Variants in RNF6 observed in about 807,000 individuals in gnomAD.
RNF6 encodes the protein E3 ubiquitin-protein ligase RNF6.
In RNF6, 21 loss-of-function variants were observed where a neutral mutation model predicts 50.1. The ratio of observed to expected loss-of-function variants is 0.42; its 90% CI spans 0.30 to 0.60. The LOEUF is 0.60. RNF6 is among the 20% of genes least tolerant of loss of function. RNF6 has a pLI of 0.20. For synonymous variants in RNF6, 255 were observed against 291.8 expected (o/e 0.87, Z 1.29); for missense variants, 698 against 838.2 (o/e 0.83, Z 2.07).
rs1868732075 is a variant in RNF6, at chr13:26,197,832, T to C, written n.768+17642A>G. ...TAAGGTCAGGAGACTGAGACCATCC[T>C]GGCTAACATGGTGAAACCCCGTCTG... On this transcript the variant is annotated intron_variant and non_coding_transcript_variant, in intron 5 of 5. Coordinates refer to the RNF6 transcript ENST00000468480. Among the ~76,000 whole-genome samples the C allele has an allele frequency of 6.6e-5, 10 of 151,872 alleles. No homozygotes were observed. The South Asian group carries it at 2.1e-3, about 31-fold the overall frequency.
chr13:26,192,740 G>C (rs1868512307), intron 5 of RNF6, among the ~76,000 whole-genome samples: 1 of 152,144 alleles, frequency 6.6e-6, no homozygotes, highest in African/African-American at 2.4e-5. Context: ...CAGCCCTCAA[G>C]GAGCTGAATC....
intron 5 of RNF6, among the ~76,000 whole-genome samples, chr13:26,136,096 G>A (rs947661173): frequency 1.3e-5 from 2 of 152,136 alleles, no homozygotes; most frequent in Non-Finnish European, 2.9e-5. Context: ...GACTAATACA[G>A]TGACCTACAT....
chr13:26,178,348 T>C (rs746900050), intron 5 of RNF6, among the ~76,000 whole-genome samples: 4 of 152,098 alleles, frequency 2.6e-5, no homozygotes, highest in African/African-American at 4.8e-5. Context: ...TCTCACTGTG[T>C]CCTCATGTGG....
At chr13:26,159,157 T>C (rs1255722985) in intron 5 of RNF6, among the ~76,000 whole-genome samples, 3 of 152,176 alleles carry the variant, frequency 2.0e-5, no homozygotes, top group Non-Finnish European at 2.9e-5. Flanking sequence ...TAATATTTAG[T>C]GTAAACATTG....
At chr13:26,194,540 A>G (rs1337193027) in intron 5 of RNF6, among the ~76,000 whole-genome samples, 2 of 152,216 alleles carry the variant, frequency 1.3e-5, no homozygotes, top group Non-Finnish European at 2.9e-5. Flanking sequence ...TACCCAGTTC[A>G]TCATGTCCAG....
At chr13:26,136,911 T>C (rs1030419721) in intron 5 of RNF6, among the ~76,000 whole-genome samples, 6 of 152,192 alleles carry the variant, frequency 3.9e-5, no homozygotes, top group African/African-American at 1.4e-4. Context: ...AGGGAGCTTT[T>C]ATTCAAGAAA....
In RNF6 at chr13:26,136,061, G is replaced by A. The variant is rs147890066; in HGVS notation, n.769-3610C>T. Among the ~76,000 whole-genome samples the A allele has an allele frequency of 1.3e-3, 197 of 152,194 alleles. No individual in the cohort carries two copies. The Middle Eastern group carries it at 0.014, about 11-fold the overall frequency. On this transcript the variant is annotated intron_variant and non_coding_transcript_variant, in intron 5 of 5. Coordinates refer to the RNF6 transcript ENST00000468480. The stretch of plus-strand genomic sequence containing the variant: ...TTCTTTATAAATTACCTAGCCTCAG[G>A]TATTTCTTTACAGCAATGCAAACAG...
At chr13:26,183,884 GTTT>G (rs67656503) in intron 5 of RNF6, among the ~76,000 whole-genome samples, 1 of 86,006 alleles carries the variant, frequency 1.2e-5, no homozygotes, top group Non-Finnish European at 2.2e-5. Context: ...TAAAATATAG[GTTT>G]TTTTATACTT....
chr13:26,214,362 T>A lies in RNF6; in HGVS notation c.1520A>T (p.Gln507Leu). The change falls in exon 5 of 5, where the codon CAA (glutamine) becomes CTA (leucine). Residue 507 changes from glutamine (Q) to leucine (L), a missense_variant. Physicochemically the swap from Gln to Leu is moderately radical, Grantham distance 113 (BLOSUM62 -2). Transcript: ENST00000381588. ...LMEADSESEL[Q>L]RNGQHLPDMH... Reference sequence around the variant, plus strand: ...GTCTGGTAAATGCTGGCCATTTCTTTGAAGTTCTGACTCAGAATCGGCCTC... The same window carrying A: ...GTCTGGTAAATGCTGGCCATTTCTTAGAAGTTCTGACTCAGAATCGGCCTC... 1 of 1,614,162 alleles carries A rather than the reference T, an allele frequency of 6.2e-7. No homozygotes were observed.
At chr13:26,159,312 A>T (rs1211304219) in intron 5 of RNF6, among the ~76,000 whole-genome samples, 4 of 152,160 alleles carry the variant, frequency 2.6e-5, no homozygotes, top group South Asian at 4.1e-4. Flanking sequence ...TTGGTATATC[A>T]GTATTTTTAG....
chr13:26,176,744 G>T (rs559039503), intron 5 of RNF6, among the ~76,000 whole-genome samples: 1 of 152,284 alleles, frequency 6.6e-6, no homozygotes, highest in South Asian at 2.1e-4. Flanking sequence ...ACCAGCCTGA[G>T]CAGGATGGTG....
intron 5 of RNF6, among the ~76,000 whole-genome samples, chr13:26,138,968 C>A (rs1042994007): frequency 5.3e-5 from 8 of 152,150 alleles, no homozygotes; most frequent in Non-Finnish European, 1.5e-5. Context: ...TTTGTAAGCG[C>A]CTTGATTATT....
chr13:26,149,602 G>A (rs954697576), intron 5 of RNF6, among the ~76,000 whole-genome samples: 3 of 151,012 alleles, frequency 2.0e-5, no homozygotes, highest in East Asian at 3.9e-4. Flanking sequence ...AAAAAAGAAA[G>A]AAAAAAAGAA....
intron 5 of RNF6, among the ~76,000 whole-genome samples, chr13:26,167,664 C>A (rs1286491266): frequency 6.6e-6 from 1 of 152,134 alleles, no homozygotes; most frequent in Non-Finnish European, 1.5e-5. Context: ...GAGCTAAAAA[C>A]AGAACTACTA....
chr13:26,157,992 T>A (rs1485058354), intron 5 of RNF6, among the ~76,000 whole-genome samples: 1 of 145,804 alleles, frequency 6.9e-6, no homozygotes, highest in Non-Finnish European at 1.5e-5. Flanking sequence ...GATAGATAGA[T>A]AGATAGAAGA....
intron 5 of RNF6, among the ~76,000 whole-genome samples, chr13:26,143,788 G>A (rs985995091): frequency 3.4e-4 from 52 of 152,260 alleles, no homozygotes; most frequent in African/African-American, 1.2e-3. Context: ...GGTGGTGAAC[G>A]TGGTAAGACT....
At chr13:26,206,899 A>AT (rs1403392018) in intron 5 of RNF6, among the ~76,000 whole-genome samples, 1 of 148,856 alleles carries the variant, frequency 6.7e-6, no homozygotes, top group African/African-American at 2.4e-5. Context: ...TTTTCCCTTC[A>AT]TGGGCCCCTT....
intron 5 of RNF6, among the ~76,000 whole-genome samples, chr13:26,141,105 T>C (rs1870918659): frequency 6.6e-6 from 1 of 152,182 alleles, no homozygotes; most frequent in South Asian, 2.1e-4. Flanking sequence ...AACATCATTT[T>C]TCACGGAATT....
intron 5 of RNF6, among the ~76,000 whole-genome samples, chr13:26,186,439 C>T (rs1251067647): frequency 6.6e-6 from 1 of 152,222 alleles, no homozygotes; most frequent in African/African-American, 2.4e-5. Context: ...CGCCGGGGGG[C>T]GTCTGCGTGG....
Sources: allele counts gnomAD v4.1 joint callset (sites outside exome capture counted in the v4.1 genomes callset), GRCh38; gene constraint gnomAD v4.1.1; transcripts MANE v1.5; gene names NCBI Gene and HGNC (gene_info 2026-07-23, HGNC 2026-07-21).